GRM8: variants seen among roughly 807,000 people sequenced by gnomAD.
The protein encoded by GRM8 is glutamate metabotropic receptor 8.
A neutral mutation model predicts 87.2 loss-of-function variants in GRM8; 47 were observed. The observed-to-expected ratio is 0.54, with a 90% CI of 0.43 to 0.69. The LOEUF (loss-of-function observed/expected upper bound fraction) is 0.69, where lower values mean the gene tolerates loss of function less well. Ranked by LOEUF, GRM8 falls within the 30% of genes least tolerant of loss-of-function variation. The probability of loss-of-function intolerance (pLI) is 0.00; values close to 1 mark genes in which losing one functional copy is unlikely to be tolerated. For missense variants in GRM8, 1,019 were observed against 1,139.2 expected (o/e 0.89, Z 1.52); for synonymous variants, 396 against 404.5 (o/e 0.98, Z 0.25).
intron 6 of GRM8, among the ~76,000 whole-genome samples, chr7:126,873,528 C>T (rs1280068017): frequency 1.3e-5 from 2 of 151,940 alleles, no homozygotes; most frequent in Non-Finnish European, 2.9e-5. Flanking sequence ...AAATAACTTC[C>T]CTAAAGTTAC....
At chr7:126,576,494 T>C (rs1299075917) in intron 8 of GRM8, among the ~76,000 whole-genome samples, 1 of 151,970 alleles carries the variant, frequency 6.6e-6, no homozygotes, top group Non-Finnish European at 1.5e-5. Flanking sequence ...TGTTGCCCAG[T>C]CTGATCTCAA....
chr7:126,772,842 C>G (rs768769524), intron 6 of GRM8, among the ~76,000 whole-genome samples: 3 of 151,948 alleles, frequency 2.0e-5, no homozygotes, highest in African/African-American at 7.3e-5. Flanking sequence ...CAGAAAGACA[C>G]GAAAGATCTG....
intron 3 of GRM8, among the ~76,000 whole-genome samples, chr7:126,947,100 C>T (rs908746679): frequency 2.0e-5 from 3 of 152,178 alleles, no homozygotes; most frequent in Non-Finnish European, 4.4e-5. Context: ...TGTGTCATGT[C>T]AAGTACCCTT....
At chr7:126,628,352 T>G (rs544853627) in intron 7 of GRM8, among the ~76,000 whole-genome samples, 80 of 152,318 alleles carry the variant, frequency 5.3e-4, no homozygotes, top group African/African-American at 1.9e-3. Flanking sequence ...GCCTAGTCCC[T>G]CTTTTCCTAT....
intron 6 of GRM8, among the ~76,000 whole-genome samples, chr7:126,835,282 A>G (rs1468369709): frequency 1.3e-5 from 2 of 152,142 alleles, no homozygotes; most frequent in East Asian, 1.9e-4. Flanking sequence ...CTATTTCCAT[A>G]CTGGATTTAT....
intron 3 of GRM8, among the ~76,000 whole-genome samples, chr7:126,922,116 A>T (rs567495413): frequency 4.6e-5 from 7 of 152,320 alleles, no homozygotes; most frequent in Admixed American, 4.6e-4. Flanking sequence ...AAGTTTGAGG[A>T]TGAATTGATA....
intron 9 of GRM8, among the ~76,000 whole-genome samples, chr7:126,480,817 A>T (rs1470664359): frequency 1.3e-5 from 2 of 152,088 alleles, no homozygotes; most frequent in African/African-American, 4.8e-5. Context: ...GAGCCTAGAG[A>T]CAGTGACACC....
chr7:127,142,956 A>C (rs1438840729), intron 2 of GRM8, among the ~76,000 whole-genome samples: 1 of 152,170 alleles, frequency 6.6e-6, no homozygotes, highest in Non-Finnish European at 1.5e-5. Context: ...GTTGAGAGTA[A>C]GGAGATGCCC....
At chr7:127,026,222 C>T (rs1816762712) in intron 3 of GRM8, among the ~76,000 whole-genome samples, 1 of 152,104 alleles carries the variant, frequency 6.6e-6, no homozygotes, top group African/African-American at 2.4e-5. Context: ...TGTATATGTG[C>T]CACATTTTCT....
chr7:126,490,082 G>GA (rs1415497122), intron 9 of GRM8, among the ~76,000 whole-genome samples: 1 of 152,076 alleles, frequency 6.6e-6, no homozygotes, highest in East Asian at 1.9e-4. Flanking sequence ...GCAGAGAGCA[G>GA]ATGGTGAGAC....
intron 8 of GRM8, among the ~76,000 whole-genome samples, chr7:126,585,033 T>C (rs1481414372): frequency 1.3e-5 from 2 of 152,228 alleles, no homozygotes; most frequent in South Asian, 2.1e-4. Flanking sequence ...GATCTCTGAA[T>C]TCTTAAACAC....
chr7:126,550,409 G>A lies in GRM8; in HGVS notation c.1495-16522C>T, dbSNP rs1038887599. Among the ~76,000 whole-genome samples, 5 of 152,062 alleles carry A rather than the reference G, an allele frequency of 3.3e-5. 1 individual carries two copies. Among genetic ancestry groups the A allele is most frequent in the African/African-American group, 1.2e-4 (5 of 41,480 alleles). On this transcript the variant is annotated intron_variant, in intron 8 of 10. Transcript: ENST00000339582. ...TTACAGGCATAAGCCACCGCACCCG[G>A]CCGAAAAAGTATTTTTAAAAATGAA... is the stretch of plus-strand genomic sequence containing the variant.
At chr7:126,952,780 C>T (rs1361284757) in intron 3 of GRM8, among the ~76,000 whole-genome samples, 2 of 151,884 alleles carry the variant, frequency 1.3e-5, no homozygotes, top group Non-Finnish European at 2.9e-5. Context: ...CTATACTCTT[C>T]AAAAATATAA....
At position 127,122,787 on chromosome 7, in the gene GRM8, G is replaced by T. The variant is rs565056821; in HGVS notation, c.511-16075C>A. ...ATGCAGGATGAAAAACACTTGAAAAGAAAATGGAAATACTGAGATAAAAAA... is the reference window on the plus strand; with the variant it reads ...ATGCAGGATGAAAAACACTTGAAAATAAAATGGAAATACTGAGATAAAAAA... On this transcript the variant is annotated intron_variant, in intron 2 of 10. Coordinates refer to ENST00000339582, the MANE Select transcript of GRM8 (RefSeq NM_000845.3). Among the ~76,000 whole-genome samples the T allele has an allele frequency of 2.2e-3, 341 of 152,154 alleles. 3 individuals carry two copies. The highest frequency in any genetic ancestry group is 6.8e-3 in the Middle Eastern group (2 of 294).
intron 8 of GRM8, among the ~76,000 whole-genome samples, chr7:126,596,863 T>G (rs1173202014): frequency 1.3e-5 from 2 of 152,164 alleles, no homozygotes; most frequent in East Asian, 3.8e-4. Flanking sequence ...TGGAAAAAAC[T>G]ATGTAAAAGG....
chr7:127,220,565 G>T (rs1039222840), intron 2 of GRM8, among the ~76,000 whole-genome samples: 9 of 151,860 alleles, frequency 5.9e-5, no homozygotes. Context: ...GCTCACTATA[G>T]CCTCTACCTC....
intron 6 of GRM8, among the ~76,000 whole-genome samples, chr7:126,821,208 G>T (rs1184128750): frequency 1.3e-5 from 2 of 152,136 alleles, no homozygotes; most frequent in Non-Finnish European, 2.9e-5. Flanking sequence ...TTCACCATTT[G>T]CTGGATTTCA....
chr7:127,207,487 A>G (rs1314339978), intron 2 of GRM8, among the ~76,000 whole-genome samples: 1 of 152,222 alleles, frequency 6.6e-6, no homozygotes. Context: ...TAACAATGAT[A>G]CTGAACACAT....
At chr7:126,504,344 G>T (rs991438297) in intron 9 of GRM8, among the ~76,000 whole-genome samples, 1 of 152,078 alleles carries the variant, frequency 6.6e-6, no homozygotes, top group Non-Finnish European at 1.5e-5. Context: ...TATTAATTCA[G>T]TGTTTCATCT....
Sources: allele counts gnomAD v4.1 joint callset (sites outside exome capture counted in the v4.1 genomes callset), GRCh38; gene constraint gnomAD v4.1.1; transcripts MANE v1.5; gene names NCBI Gene and HGNC (gene_info 2026-07-23, HGNC 2026-07-21).